Variants in SUCLG2 observed in about 807,000 individuals in gnomAD.
SUCLG2 encodes succinate-CoA ligase GDP-forming subunit beta, also known as succinate--CoA ligase [GDP-forming] subunit beta, mitochondrial.
Under a neutral mutation model 47.9 loss-of-function variants are expected in SUCLG2, and 42 were observed. The observed-to-expected ratio is 0.88, with a 90% CI of 0.69 to 1.14. The LOEUF (loss-of-function observed/expected upper bound fraction) is 1.14, where lower values mean the gene tolerates loss of function less well. Ranked by LOEUF, SUCLG2 falls within the 50% of genes most tolerant of loss-of-function variation. The probability of loss-of-function intolerance (pLI) is 0.00; values close to 1 mark genes in which losing one functional copy is unlikely to be tolerated. For missense variants in SUCLG2, 571 were observed against 525.9 expected (o/e 1.09, Z -0.84); for synonymous variants, 195 against 197.3 (o/e 0.99, Z 0.10).
chr3:67,470,546 T>C (rs1393035799), intron 9 of SUCLG2, among the ~76,000 whole-genome samples: 3 of 152,226 alleles, frequency 2.0e-5, no homozygotes. Context: ...AATGTCTTTA[T>C]TGCAAAAGTT....
intron 2 of SUCLG2, among the ~76,000 whole-genome samples, chr3:67,596,439 T>C (rs1302813423): frequency 1.3e-5 from 2 of 152,194 alleles, no homozygotes; most frequent in Non-Finnish European, 2.9e-5. Flanking sequence ...GTTAAATGTA[T>C]TATATTTAAT....
At chr3:67,423,394 A>T (rs1208984279) in intron 9 of SUCLG2, among the ~76,000 whole-genome samples, 2 of 152,212 alleles carry the variant, frequency 1.3e-5, no homozygotes, top group African/African-American at 2.4e-5. Context: ...TAGCAACATG[A>T]GAATGGACTA....
At chr3:67,428,784 A>T (rs1703378918) in intron 9 of SUCLG2, among the ~76,000 whole-genome samples, 1 of 152,214 alleles carries the variant, frequency 6.6e-6, no homozygotes, top group Non-Finnish European at 1.5e-5. Context: ...AAACCATGGC[A>T]TGAGAACTAC....
intron 1 of SUCLG2, among the ~76,000 whole-genome samples, chr3:67,628,673 T>C (rs1487111284): frequency 6.6e-6 from 1 of 152,200 alleles, no homozygotes. Flanking sequence ...GATGGTTTTA[T>C]AAAGGAGAGT....
intron 2 of SUCLG2, among the ~76,000 whole-genome samples, chr3:67,589,963 G>A (rs917458021): frequency 8.3e-6 from 1 of 119,988 alleles, no homozygotes; most frequent in African/African-American, 3.1e-5. Flanking sequence ...ATATACTTTA[G>A]TCTACTTGAT....
At chr3:67,468,882 C>T (rs951764942) in intron 9 of SUCLG2, among the ~76,000 whole-genome samples, 10 of 152,176 alleles carry the variant, frequency 6.6e-5, no homozygotes, top group African/African-American at 2.4e-4. Context: ...TGTATGACTA[C>T]ATAATCAAAC....
At chr3:67,520,981 C>CAT (rs1249798015) in intron 4 of SUCLG2, among the ~76,000 whole-genome samples, 2 of 152,086 alleles carry the variant, frequency 1.3e-5, no homozygotes, top group Non-Finnish European at 2.9e-5. Flanking sequence ...TAACAGTACA[C>CAT]ATATATATTA....
intron 9 of SUCLG2, among the ~76,000 whole-genome samples, chr3:67,488,427 C>T (rs1015901804): frequency 4.6e-5 from 7 of 152,160 alleles, no homozygotes; most frequent in African/African-American, 1.7e-4. Context: ...ATCCATGGGG[C>T]ACATCCCACC....
chr3:67,535,251 G>C (rs924630153), intron 2 of SUCLG2, among the ~76,000 whole-genome samples: 1 of 152,118 alleles, frequency 6.6e-6, no homozygotes, highest in Non-Finnish European at 1.5e-5. Context: ...ATGACTTATA[G>C]ACAAGGGATT....
intron 10 of SUCLG2, among the ~76,000 whole-genome samples, chr3:67,381,218 TAAAA>T (rs1702152031): frequency 6.6e-6 from 1 of 150,736 alleles, no homozygotes; most frequent in African/African-American, 2.4e-5. Flanking sequence ...TAAAATAAAA[TAAAA>T]TAAAAGTAAA....
chr3:67,402,911 C>T (rs2106818957), intron 9 of SUCLG2, among the ~76,000 whole-genome samples: 1 of 152,264 alleles, frequency 6.6e-6, no homozygotes, highest in African/African-American at 2.4e-5. Context: ...TATGTGAATT[C>T]ACCTAAACAG....
At chr3:67,512,631 A>G (rs1457501056) in intron 6 of SUCLG2, among the ~76,000 whole-genome samples, 3 of 151,204 alleles carry the variant, frequency 2.0e-5, no homozygotes, top group Non-Finnish European at 4.4e-5. Flanking sequence ...AAATTGTGAT[A>G]AAATATACAA....
chr3:67,400,681 C>G lies in SUCLG2; in HGVS notation c.1183+50G>C, dbSNP rs572937968. 61 of 1,599,928 alleles carry G rather than the reference C, an allele frequency of 3.8e-5. No homozygotes were observed. In the African/African-American group the frequency reaches 6.6e-4, roughly 17 times the overall value. ...TGTGAATCCAGAACATGCTGGTCAC[C>G]TGACCTTGGAGAAGGGGTGCTGGCA... On this transcript the variant is annotated intron_variant, in intron 10 of 10. Transcript: ENST00000307227.
chr3:67,541,540 T>C (rs1028440190), intron 2 of SUCLG2, among the ~76,000 whole-genome samples: 3 of 152,214 alleles, frequency 2.0e-5, no homozygotes, highest in Non-Finnish European at 4.4e-5. Flanking sequence ...CTACGTTTGA[T>C]TGGTGTACCT....
At chr3:67,652,484 A>G (rs375843880) in intron 1 of SUCLG2, among the ~76,000 whole-genome samples, 1 of 152,198 alleles carries the variant, frequency 6.6e-6, no homozygotes, top group African/African-American at 2.4e-5. Flanking sequence ...TGGAAACGTA[A>G]TATCAAATCA....
At chr3:67,366,672 A>C (rs1022639894) in intron 10 of SUCLG2, among the ~76,000 whole-genome samples, 2 of 152,192 alleles carry the variant, frequency 1.3e-5, no homozygotes, top group African/African-American at 4.8e-5. Context: ...CTCACCAGCC[A>C]TATTTGCAGC....
chr3:67,499,921 TG>T (rs1319865154), intron 7 of SUCLG2, among the ~76,000 whole-genome samples: 3 of 151,970 alleles, frequency 2.0e-5, no homozygotes, highest in Admixed American at 1.3e-4. Context: ...TTAGTACAGA[TG>T]GGGTTTCACC....
chr3:67,442,032 A>C (rs1232622983), intron 9 of SUCLG2, among the ~76,000 whole-genome samples: 1 of 143,040 alleles, frequency 7.0e-6, no homozygotes, highest in East Asian at 2.1e-4. Context: ...TTTTTTTGAG[A>C]CGAAGTCTCG....
chr3:67,599,700 T>C (rs1432823211), intron 2 of SUCLG2, among the ~76,000 whole-genome samples: 1 of 141,706 alleles, frequency 7.1e-6, no homozygotes, highest in Non-Finnish European at 1.5e-5. Flanking sequence ...GTATATTTGC[T>C]CAAATAAAAG....
Sources: gnomAD v4.1 joint callset for allele counts (sites outside exome capture counted in the v4.1 genomes callset) on GRCh38, gnomAD v4.1.1 for gene constraint, MANE v1.5 for transcripts, NCBI Gene and HGNC (gene_info 2026-07-23, HGNC 2026-07-21) for gene names.